Variants in LARP1 observed in about 807,000 individuals in gnomAD.
The protein encoded by LARP1 is La ribonucleoprotein 1, translational regulator.
Under a neutral mutation model 122.7 loss-of-function variants are expected in LARP1, and 36 were observed. That is an observed-to-expected ratio of 0.29 (90% CI 0.22 to 0.39). The LOEUF (loss-of-function observed/expected upper bound fraction) is 0.39, where lower values mean the gene tolerates loss of function less well. Ranked by LOEUF, LARP1 falls within the 10% of genes least tolerant of loss-of-function variation. The pLI is 1.00. For synonymous variants in LARP1, 539 were observed against 528.7 expected (o/e 1.02, Z -0.27); for missense variants, 1,040 against 1,403.6 (o/e 0.74, Z 4.14).
intron 1 of LARP1, among the ~76,000 whole-genome samples, chr5:154,713,837 C>G (rs868635469): frequency 6.6e-6 from 1 of 152,198 alleles, no homozygotes; most frequent in Non-Finnish European, 1.5e-5. Context: ...TACCCCACCT[C>G]TAGCTGGCTG....
At chr5:154,797,727 C>G (rs1388516123) in intron 8 of LARP1, among the ~76,000 whole-genome samples, 3 of 147,826 alleles carry the variant, frequency 2.0e-5, no homozygotes, top group African/African-American at 5.0e-5. Context: ...GGGTCTTGCT[C>G]TCACAGGCTA....
rs200694264 is a variant in LARP1, at chr5:154,729,906, C to G, written c.205+16776C>G. ...GCAGTAAATCAATAACCAGGACAGG[C>G]CATCTTGGACCTCTAGTCCAAGTCA... On this transcript the variant is annotated intron_variant, in intron 1 of 18. Coordinates refer to the LARP1 transcript ENST00000336314. 7.9e-5 allele frequency among the ~76,000 whole-genome samples: 12 copies of G among 152,282 alleles called. No individual in the cohort carries two copies. The East Asian group carries it at 2.1e-3, about 27-fold the overall frequency.
chr5:154,686,843 C>T (rs1287122270), intron 1 of LARP1, among the ~76,000 whole-genome samples: 2 of 152,326 alleles, frequency 1.3e-5, no homozygotes, highest in South Asian at 2.1e-4. Flanking sequence ...GGGGTCTTCT[C>T]CAGTCCCATG....
intron 15 of LARP1, among the ~76,000 whole-genome samples, chr5:154,807,999 A>G (rs1428730285): frequency 4.0e-5 from 6 of 151,876 alleles, no homozygotes; most frequent in Non-Finnish European, 8.8e-5. Flanking sequence ...TTTTAATGAT[A>G]TTCATTTTCT....
At chr5:154,759,489 T>C (rs1057448977) in intron 1 of LARP1, among the ~76,000 whole-genome samples, 6 of 152,242 alleles carry the variant, frequency 3.9e-5, no homozygotes, top group African/African-American at 1.2e-4. Flanking sequence ...TTTTTTGCTT[T>C]GGAATGTGGT....
intron 1 of LARP1, among the ~76,000 whole-genome samples, chr5:154,687,583 G>A (rs988773656): frequency 2.0e-5 from 3 of 152,124 alleles, no homozygotes; most frequent in African/African-American, 7.2e-5. Flanking sequence ...GGGTTTCACC[G>A]TGTTAGCCGG....
In LARP1 at chr5:154,800,015, G is replaced by A; in HGVS notation, c.1689G>A (p.Arg563=). The A allele has an allele frequency of 6.2e-7, 1 of 1,613,944 alleles. No homozygotes were observed. ...DSENWIEVKK[R]PRPSPARPKK... ...AGAACTGGATTGAAGTGAAGAAGAG[G>A]CCTCGGCCATCCCCAGCACGGCCCA... Residue 563 remains arginine, a synonymous_variant, in exon 10 of 19, where the codon AGG becomes AGA. Transcript: ENST00000518297.
intron 1 of LARP1, chr5:154,756,511 C>G: frequency 2.0e-6 from 2 of 985,934 alleles, no homozygotes; most frequent in Non-Finnish European, 2.4e-6. Context: ...ACGATCCCCA[C>G]CGCATGCTGG....
intron 1 of LARP1, among the ~76,000 whole-genome samples, chr5:154,702,331 G>A (rs1260560895): frequency 6.6e-6 from 1 of 152,060 alleles, no homozygotes; most frequent in Non-Finnish European, 1.5e-5. Context: ...CAAGGTGGGC[G>A]AATCACCTGA....
intron 1 of LARP1, among the ~76,000 whole-genome samples, chr5:154,771,760 C>G (rs1755446601): frequency 1.3e-5 from 2 of 152,134 alleles, no homozygotes; most frequent in Non-Finnish European, 2.9e-5. Context: ...CTCTTATTCC[C>G]CTAGAGATGT....
At chr5:154,704,647 CAAAAAAAAAAAA>C (rs75268894) in intron 1 of LARP1, among the ~76,000 whole-genome samples, 4 of 52,846 alleles carry the variant, frequency 7.6e-5, no homozygotes, top group Non-Finnish European at 1.2e-4. Flanking sequence ...AACCCTGTCT[CAAAAAAAAAAAA>C]AAAAAAAAGC....
chr5:154,709,447 A>G (rs1194173337), upstream of LARP1, among the ~76,000 whole-genome samples: 2 of 152,142 alleles, frequency 1.3e-5, no homozygotes, highest in Non-Finnish European at 2.9e-5. Context: ...GCAGGCTTGG[A>G]GAATGTGAAT....
chr5:154,790,288 G>T (rs1435494744), intron 1 of LARP1, 37 bp from the exon 2 acceptor site: 5 of 1,589,666 alleles, frequency 3.1e-6, no homozygotes, highest in Non-Finnish European at 4.3e-6. Context: ...CCTCACATGG[G>T]CTTTGCATTA....
rs1007835369 is a variant in LARP1 at position 154,796,500 on chromosome 5, TC to T, written c.1377+1182del. On this transcript the variant is annotated intron_variant, in intron 8 of 18. Transcript: ENST00000518297. ...GCACAGGGATGTCATTTTAACATGT[TC>T]ATCTGTACTCCAAGTTTTTTGTAAA... Among the ~76,000 whole-genome samples, 5 of 152,150 alleles carry T rather than the reference TC, an allele frequency of 3.3e-5. 1 individual carries two copies. The highest frequency in any genetic ancestry group is 3.3e-4 in the Admixed American group (5 of 15,250).
chr5:154,776,546 G>T (rs1173154869), intron 1 of LARP1, among the ~76,000 whole-genome samples: 2 of 152,180 alleles, frequency 1.3e-5, no homozygotes, highest in African/African-American at 4.8e-5. Context: ...TGGAGACCTG[G>T]GTTCCTTCCT....
chr5:154,795,958 ATT>A (rs34274191), intron 8 of LARP1, among the ~76,000 whole-genome samples: 3 of 116,390 alleles, frequency 2.6e-5, no homozygotes, highest in East Asian at 2.1e-4. Context: ...TATTATATAT[ATT>A]TTTATACATA....
In LARP1 at chr5:154,788,033, C is replaced by A. The variant is rs903501751; in HGVS notation, c.437-2292C>A. 5.9e-5 allele frequency among the ~76,000 whole-genome samples: 9 copies of A among 152,214 alleles called. No individual in the cohort carries two copies. The East Asian group carries it at 1.7e-3, about 29-fold the overall frequency. On this transcript the variant is annotated intron_variant, in intron 1 of 18. Transcript: ENST00000518297. ...TATAACATCCTGTTAGTGAAGTTGG[C>A]GTTGGTGGTACACAGGCCCTTTGGC...
intron 1 of LARP1, among the ~76,000 whole-genome samples, chr5:154,698,090 G>T (rs1754548575): frequency 1.3e-5 from 2 of 152,056 alleles, no homozygotes; most frequent in South Asian, 4.2e-4. Flanking sequence ...TGAGCCTTTA[G>T]CAAGTCGTAC....
At chr5:154,687,813 A>T (rs1193313210) in intron 1 of LARP1, among the ~76,000 whole-genome samples, 1 of 152,152 alleles carries the variant, frequency 6.6e-6, no homozygotes, top group Admixed American at 6.6e-5. Flanking sequence ...AACAAAAAAA[A>T]TTTTTTAATT....
Sources: allele counts gnomAD v4.1 joint callset (sites outside exome capture counted in the v4.1 genomes callset), GRCh38; gene constraint gnomAD v4.1.1; transcripts MANE v1.5; gene names NCBI Gene and HGNC (gene_info 2026-07-23, HGNC 2026-07-21).